The following PIK3CB variants were observed in gnomAD, a reference collection of about 807,000 sequenced individuals.
The protein encoded by PIK3CB is phosphatidylinositol 4,5-bisphosphate 3-kinase catalytic subunit beta isoform.
In PIK3CB, 39 loss-of-function variants were observed where a neutral mutation model predicts 136.8. The ratio of observed to expected loss-of-function variants is 0.29; its 90% CI spans 0.22 to 0.37. The LOEUF is 0.37. Among genes scored for constraint, PIK3CB ranks in the 10% least tolerant of loss-of-function variants. PIK3CB has a pLI of 1.00. For missense variants in PIK3CB, 868 were observed against 1,275.4 expected (o/e 0.68, Z 4.87); for synonymous variants, 428 against 436.6 (o/e 0.98, Z 0.25).
chr3:138,831,281 A>AAAATAAAATTAAATT (rs763253552), intron 1 of PIK3CB, among the ~76,000 whole-genome samples: 190 of 148,374 alleles, frequency 1.3e-3, no homozygotes, highest in Non-Finnish European at 2.4e-3. Flanking sequence ...AAAATAAAAT[A>AAAATAAAATTAAATT]AAATTAAATT....
intron 5 of PIK3CB, among the ~76,000 whole-genome samples, chr3:138,739,326 C>G (rs576939917): frequency 6.6e-6 from 1 of 152,028 alleles, no homozygotes; most frequent in East Asian, 1.9e-4. Flanking sequence ...TGCCTGTAGT[C>G]CCAGCTACTT....
At chr3:138,705,535 T>C (rs1262562014) in intron 11 of PIK3CB, among the ~76,000 whole-genome samples, 1 of 152,162 alleles carries the variant, frequency 6.6e-6, no homozygotes, top group Non-Finnish European at 1.5e-5. Context: ...CAGAAAAACA[T>C]GTTTAAAAAA....
intron 2 of PIK3CB, among the ~76,000 whole-genome samples, chr3:138,782,421 G>A (rs2045932474): frequency 6.6e-6 from 1 of 152,208 alleles, no homozygotes; most frequent in African/African-American, 2.4e-5. Context: ...TAAGGAAGAA[G>A]GGTGTGTGTG....
intron 11 of PIK3CB, among the ~76,000 whole-genome samples, chr3:138,705,456 A>G (rs1376893861): frequency 6.6e-6 from 1 of 152,098 alleles, no homozygotes; most frequent in Admixed American, 6.6e-5. Flanking sequence ...ATACTAACGT[A>G]TATGATTCTT....
At chr3:138,722,575 C>A (rs244380) in intron 8 of PIK3CB, among the ~76,000 whole-genome samples, 1 of 151,446 alleles carries the variant, frequency 6.6e-6, no homozygotes, top group Non-Finnish European at 1.5e-5. Flanking sequence ...AATAAATGTT[C>A]GCTAGTATTT....
At chr3:138,669,092 T>C (rs951991283) in intron 19 of PIK3CB, among the ~76,000 whole-genome samples, 9 of 152,160 alleles carry the variant, frequency 5.9e-5, no homozygotes, top group Non-Finnish European at 2.9e-5. Context: ...ACCACTATCA[T>C]TAAATAACTT....
At chr3:138,724,330 G>T (rs1429510394) in intron 8 of PIK3CB, among the ~76,000 whole-genome samples, 1 of 152,128 alleles carries the variant, frequency 6.6e-6, no homozygotes, top group African/African-American at 2.4e-5. Flanking sequence ...GTTCTTCAAG[G>T]TCCAGAAGGG....
chr3:138,739,420 C>T lies in PIK3CB; in HGVS notation c.622-1534G>A, dbSNP rs572748821. ...ATTGTGTCACTGCACTCCAGCCTGG[C>T]GACAGAGCGAGACTCCGACTCAAAA... On this transcript the variant is annotated intron_variant, in intron 5 of 23. Transcript: ENST00000674063. 1.3e-3 allele frequency among the ~76,000 whole-genome samples: 187 copies of T among 149,160 alleles called. 1 individual carries two copies. The highest frequency in any genetic ancestry group is 4.3e-3 in the African/African-American group (173 of 40,566).
intron 19 of PIK3CB, among the ~76,000 whole-genome samples, chr3:138,672,027 T>C (rs2043543625): frequency 6.6e-6 from 1 of 151,780 alleles, no homozygotes. Context: ...CTTGGTACTG[T>C]GGTGTGCCTG....
At chr3:138,761,948 A>T (rs2045668576) in intron 2 of PIK3CB, among the ~76,000 whole-genome samples, 1 of 149,016 alleles carries the variant, frequency 6.7e-6, no homozygotes, top group Non-Finnish European at 1.5e-5. Context: ...TCAAAAAAAA[A>T]AAACCAACTA....
At chr3:138,656,726 T>C (rs1249445158) in intron 22 of PIK3CB, among the ~76,000 whole-genome samples, 1 of 152,182 alleles carries the variant, frequency 6.6e-6, no homozygotes, top group Non-Finnish European at 1.5e-5. Context: ...CCTGTCATCC[T>C]GCCTTCCCTC....
intron 4 of PIK3CB, among the ~76,000 whole-genome samples, chr3:138,751,801 T>C (rs926730394): frequency 1.3e-5 from 2 of 151,612 alleles, no homozygotes; most frequent in Non-Finnish European, 2.9e-5. Context: ...CAAAACCCCA[T>C]CTCTACAAAA....
At chr3:138,701,737 G>A (rs1364006424) in intron 12 of PIK3CB, among the ~76,000 whole-genome samples, 1 of 142,406 alleles carries the variant, frequency 7.0e-6, no homozygotes, top group Non-Finnish European at 1.5e-5. Flanking sequence ...AGTGAGCTGA[G>A]ATCATGCCAC....
chr3:138,683,662 A>G lies in PIK3CB; in HGVS notation c.2425+16T>C. ...AAAATTCTAAGAAATTTGATGTTAA[A>G]AATCTCAGTACTTACCATCACCATT... On this transcript the variant is annotated intron_variant, in intron 18 of 23. Coordinates refer to ENST00000674063, the MANE Select transcript of PIK3CB (RefSeq NM_006219.3). 1 of 1,252,982 alleles carries G rather than the reference A, an allele frequency of 8.0e-7. No individual in the cohort carries two copies. The highest frequency in any genetic ancestry group is 2.3e-5 in the East Asian group (1 of 43,168). 77.6% of individuals were successfully genotyped at this position (1,252,982 alleles called of 1,614,324 possible). A position where few individuals can be genotyped will look rare whatever the true frequency, so the allele number is the denominator to read the frequency against.
At chr3:138,701,897 T>C (rs922952044) in intron 12 of PIK3CB, among the ~76,000 whole-genome samples, 5 of 150,296 alleles carry the variant, frequency 3.3e-5, no homozygotes, top group African/African-American at 1.2e-4. Context: ...CACATGACAA[T>C]ATCCACAAAG....
chr3:138,681,049 T>C (rs2043766283), intron 19 of PIK3CB, among the ~76,000 whole-genome samples: 1 of 147,836 alleles, frequency 6.8e-6, no homozygotes, highest in East Asian at 2.0e-4. Context: ...TAGTTTTTTT[T>C]TTGTTTTTTT....
chr3:138,806,250 C>T lies in PIK3CB; in HGVS notation c.-121-9683G>A, dbSNP rs2046233102. 3.9e-5 allele frequency among the ~76,000 whole-genome samples: 6 copies of T among 152,178 alleles called. 1 individual carries two copies. In the South Asian group the frequency reaches 1.0e-3, roughly 26 times the overall value. On this transcript the variant is annotated intron_variant, in intron 1 of 23. Transcript: ENST00000674063. ...ACCTGTAACCCAGCACTTTGGGAGG[C>T]CAAGGGAGGCAGATCACTTGAGGTC...
intron 1 of PIK3CB, among the ~76,000 whole-genome samples, chr3:138,820,461 T>G (rs1306270691): frequency 6.6e-6 from 1 of 152,212 alleles, no homozygotes; most frequent in Non-Finnish European, 1.5e-5. Flanking sequence ...GGTAAAATGA[T>G]TCCACATCAG....
chr3:138,697,740 C>G (rs941021510), intron 13 of PIK3CB, among the ~76,000 whole-genome samples: 1 of 151,960 alleles, frequency 6.6e-6, no homozygotes, highest in African/African-American at 2.4e-5. Flanking sequence ...CAGACCCCAG[C>G]CATTTTATTT....
Sources: allele counts gnomAD v4.1 joint callset (sites outside exome capture counted in the v4.1 genomes callset), GRCh38; gene constraint gnomAD v4.1.1; transcripts MANE v1.5; gene names NCBI Gene and HGNC (gene_info 2026-07-23, HGNC 2026-07-21).